CYGB: variants seen among roughly 807,000 people sequenced by gnomAD.
CYGB encodes the protein histoglobin.
A neutral mutation model predicts 20.7 loss-of-function variants in CYGB; 13 were observed. That is an observed-to-expected ratio of 0.63 (90% CI 0.41 to 1.00). The LOEUF is 1.00. Among genes scored for constraint, CYGB ranks in the 50% least tolerant of loss-of-function variants. CYGB has a pLI of 0.00. For missense variants in CYGB, 218 were observed against 257.2 expected, an observed-to-expected ratio of 0.85 and a Z score of 1.04; for synonymous variants, 93 against 107.4, an observed-to-expected ratio of 0.87 and a Z score of 0.83.
At chr17:76,529,362 C>T in intron 3 of CYGB, 1 of 985,428 alleles carries the variant, frequency 1.0e-6, no homozygotes, top group Non-Finnish European at 1.2e-6. Context: ...TCCATTCAGT[C>T]CACAAGGAGC....
In CYGB at chr17:76,531,164, G is replaced by A. The variant is rs777078364; in HGVS notation, c.376-22C>T. 1 of 1,606,036 alleles carries A rather than the reference G, an allele frequency of 6.2e-7. No individual in the cohort carries two copies. The highest frequency in any genetic ancestry group is 1.3e-5 in the African/African-American group (1 of 74,804). ...GGATCTGGGGGCAAAGGGAGGAAGG[G>A]GGAGTGAACGCCCGGGCGCCCTGCG... On this transcript the variant is annotated intron_variant, in intron 2 of 3. Coordinates refer to ENST00000293230, the MANE Select transcript of CYGB (RefSeq NM_134268.5). The surrounding 1 kb of genome is among the most constrained non-coding windows in gnomAD (Gnocchi z 7.4).
rs1410874757 is a variant in CYGB at position 76,531,613 on chromosome 17, C to G, written c.222G>C (p.Arg74=). The change falls in exon 2 of 4, where the codon CGG becomes CGC. Residue 74 remains arginine (R), a synonymous_variant. Coordinates refer to ENST00000293230, the MANE Select transcript of CYGB (RefSeq NM_134268.5). This position sits in a 1 kb window ranked among gnomAD's most constrained non-coding sequence, Gnocchi z 7.4. The part of the protein sequence containing the change: ...KHMEDPLEME[R]SPQLRKHACR... ...AGGCGTGCTTCCGCAGCTGGGGGCT[C>G]CGCTCCATCTCCAGGGGATCCTCCA... 1.2e-6 allele frequency: 2 copies of G among 1,613,578 alleles called. No individual in the cohort carries two copies. The highest frequency in any genetic ancestry group is 1.7e-5 in the Admixed American group (1 of 60,016).
In CYGB at chr17:76,533,081, T is replaced by A. The variant is rs1222602374; in HGVS notation, c.144-1390A>T. Among the ~76,000 whole-genome samples, 1 of 152,196 alleles carries A rather than the reference T, an allele frequency of 6.6e-6. No individual in the cohort carries two copies. Among genetic ancestry groups the A allele is most frequent in the Non-Finnish European group, 1.5e-5 (1 of 68,032 alleles). On this transcript the variant is annotated intron_variant, in intron 1 of 3. Transcript: ENST00000293230. The surrounding 1 kb of genome is among the most constrained non-coding windows in gnomAD (Gnocchi z 4.5). ...TCTCAGATGTGAGGGCTGGAACAGA[T>A]GCGGAGAGGGCATCTGGCCGGGTCA...
chr17:76,545,490 G>A (rs2075045772), intron 1 of CYGB: 4 of 408,606 alleles, frequency 9.8e-6, no homozygotes, highest in Non-Finnish European at 2.0e-5. Context: ...CAGCTAGAGA[G>A]GGAGAGCTGA....
At chr17:76,540,819 G>A (rs1257133527), upstream of CYGB, among the ~76,000 whole-genome samples, 1 of 152,226 alleles carries the variant, frequency 6.6e-6, no homozygotes, top group Non-Finnish European at 1.5e-5. The surrounding 1 kb of genome is among the most constrained non-coding windows in gnomAD (Gnocchi z 5.0). Flanking sequence ...TCTCCAGCAC[G>A]GGGCGGTCCC....
At chr17:76,538,969 G>A (rs570876447), upstream of CYGB, among the ~76,000 whole-genome samples, 4 of 152,212 alleles carry the variant, frequency 2.6e-5, no homozygotes, top group Non-Finnish European at 4.4e-5. Context: ...CGGGGGAGGC[G>A]AGGAGAACTC....
chr17:76,529,041 T>TGGGGGGGGGGGGGGGGGGGGGGGGGGGG, intron 3 of CYGB: 20 of 834,202 alleles, frequency 2.4e-5, no homozygotes, highest in Non-Finnish European at 2.4e-5. Context: ...CTGCAGTCAT[T>TGGGGGGGGGGGGGGGGGGGGGGGGGGGG]GCGCCCCCCC....
At chr17:76,545,111 T>C (rs1270069274) in intron 1 of CYGB, 3 of 456,096 alleles carry the variant, frequency 6.6e-6, no homozygotes, top group Non-Finnish European at 1.3e-5. Flanking sequence ...GAGCAGATTG[T>C]GTTTACACCT....
At chr17:76,529,063 C>T (rs1354098381) in intron 3 of CYGB, 7 of 570,164 alleles carry the variant, frequency 1.2e-5, no homozygotes, top group Non-Finnish European at 1.3e-5. Flanking sequence ...CCACCCCCCA[C>T]CCACGCAAAG....
At chr17:76,547,906 A>G (rs2075070080) in intron 1 of CYGB, among the ~76,000 whole-genome samples, 1 of 128,022 alleles carries the variant, frequency 7.8e-6, no homozygotes, top group South Asian at 2.5e-4. Flanking sequence ...GACACACATA[A>G]CACATTCACA....
rs772225493 is a variant in CYGB at position 76,531,736 on chromosome 17, C to G, written c.144-45G>C. The G allele has an allele frequency of 6.6e-7, 1 of 1,518,310 alleles. No individual in the cohort carries two copies. Among genetic ancestry groups the G allele is most frequent in the Non-Finnish European group, 9.0e-7 (1 of 1,113,944 alleles). The allele number at this position is 1,518,310 out of a possible 1,614,324, so 94.1% of individuals were successfully genotyped here. A position where few individuals can be genotyped will look rare whatever the true frequency, so the allele number is the denominator to read the frequency against. Reference sequence around the variant, plus strand: ...TGGTCGCTGAAGCTGGAGGCTGCCTCGGGCCCACCCTGAAGCTTCCAGGAT... The same window carrying G: ...TGGTCGCTGAAGCTGGAGGCTGCCTGGGGCCCACCCTGAAGCTTCCAGGAT... On this transcript the variant is annotated intron_variant, in intron 1 of 3. Coordinates refer to ENST00000293230, the MANE Select transcript of CYGB (RefSeq NM_134268.5). The surrounding 1 kb of genome is among the most constrained non-coding windows in gnomAD (Gnocchi z 7.4).
Position 76,545,343 on chromosome 17 carries a change from A to G in CYGB, c.-53+5519T>C, listed in dbSNP as rs570468596. 10 of 456,676 alleles carry G rather than the reference A, an allele frequency of 2.2e-5. No individual in the cohort carries two copies. In the East Asian group the frequency reaches 7.0e-4, roughly 32 times the overall value. 28.3% of individuals were successfully genotyped at this position (456,676 alleles called of 1,614,324 possible). A position where few individuals can be genotyped will look rare whatever the true frequency, so the allele number is the denominator to read the frequency against. On this transcript the variant is annotated intron_variant, in intron 1 of 3. Transcript: ENST00000589145. Reference sequence around the variant, plus strand: ...AGCTCAGGGCAAGGGTGGACCTTTAAATGGGGGAATTAAATCCTGACTATG... The same window carrying G: ...AGCTCAGGGCAAGGGTGGACCTTTAGATGGGGGAATTAAATCCTGACTATG...
At chr17:76,540,250 TCGGGGGG>T, upstream of CYGB, 11 of 463,674 alleles carry the variant, frequency 2.4e-5, 1 homozygote, top group Non-Finnish European at 4.0e-5. This position sits in a 1 kb window ranked among gnomAD's most constrained non-coding sequence, Gnocchi z 5.0. Flanking sequence ...TGGCGGTTGG[TCGGGGGG>T]GGGGGGCATG....
Position 76,529,025 on chromosome 17 carries a change from C to T in CYGB, c.540-414G>A, listed in dbSNP as rs935154061. The T allele has an allele frequency of 1.2e-5, 12 of 972,784 alleles. No individual in the cohort carries two copies. The African/African-American group carries it at 1.2e-4, about 10-fold the overall frequency. The allele number at this position is 972,784 out of a possible 1,614,324, so 60.3% of individuals were successfully genotyped here. On this transcript the variant is annotated intron_variant, in intron 3 of 3. Coordinates refer to ENST00000293230, the MANE Select transcript of CYGB (RefSeq NM_134268.5). Reference sequence around the variant, plus strand: ...ATTCTCGTATTCTCGGTACACACAGCGCCCCCTGCAGTCATTGCGCCCCCC... The same window carrying T: ...ATTCTCGTATTCTCGGTACACACAGTGCCCCCTGCAGTCATTGCGCCCCCC...
chr17:76,547,106 G>A (rs1209885029), intron 1 of CYGB: 1 of 152,294 alleles, frequency 6.6e-6, no homozygotes, highest in Non-Finnish European at 1.5e-5. Flanking sequence ...TCTGTCTTCA[G>A]GAACTCACAT....
intron 1 of CYGB, chr17:76,543,666 G>A: frequency 2.3e-6 from 1 of 438,190 alleles, no homozygotes; most frequent in Non-Finnish European, 4.7e-6. Flanking sequence ...GTTTGCAGGG[G>A]TTGGGGGTGG....
intron 1 of CYGB, among the ~76,000 whole-genome samples, chr17:76,535,626 C>T (rs1429965282): frequency 2.0e-5 from 3 of 152,132 alleles, no homozygotes; most frequent in Non-Finnish European, 4.4e-5. Context: ...GTAATGACCT[C>T]CCCCAGCCCA....
Position 76,537,644 on chromosome 17 carries a change from G to C in CYGB, c.-102C>G. On this transcript the variant is annotated 5_prime_UTR_variant, in exon 1 of 4. Transcript: ENST00000293230. The stretch of plus-strand genomic sequence containing the variant: ...GGAGCCGGGGCCGGCTGCGTGCGCG[G>C]CGGGCGGGCGAGGGGTAGAGCGCGG... 1.0e-6 allele frequency: 1 copy of C among 963,294 alleles called. No homozygotes were observed. Among genetic ancestry groups the C allele is most frequent in the Non-Finnish European group, 1.2e-6 (1 of 811,602 alleles). 59.7% of individuals were successfully genotyped at this position (963,294 alleles called of 1,614,324 possible).
chr17:76,540,138 C>T (rs200682867), upstream of CYGB: 12 of 1,599,906 alleles, frequency 7.5e-6, no homozygotes, highest in South Asian at 5.7e-5. This position sits in a 1 kb window ranked among gnomAD's most constrained non-coding sequence, Gnocchi z 5.0. Context: ...GGGGCAGCTG[C>T]GCCATGTGCA....
Sources: allele counts gnomAD v4.1 joint callset (sites outside exome capture counted in the v4.1 genomes callset), GRCh38; gene constraint gnomAD v4.1.1; non-coding constraint Gnocchi (gnomAD v3.1); transcripts MANE v1.5; gene names NCBI Gene and HGNC (gene_info 2026-07-23, HGNC 2026-07-21).